The following NEDD4 variants were observed in gnomAD, a reference collection of about 807,000 sequenced individuals.
NEDD4 encodes the protein NEDD4 E3 ubiquitin protein ligase, also known as E3 ubiquitin-protein ligase NEDD4.
NEDD4 carries 99 observed loss-of-function variants against 144.9 expected under a neutral mutation model. The ratio of observed to expected loss-of-function variants is 0.68; its 90% CI spans 0.58 to 0.81. The LOEUF (loss-of-function observed/expected upper bound fraction) is 0.81. Among genes scored for constraint, NEDD4 ranks in the 30% least tolerant of loss-of-function variants. NEDD4 has a pLI of 0.00. For synonymous variants in NEDD4, 318 were observed against 350.6 expected, an observed-to-expected ratio of 0.91 and a Z score of 1.04; for missense variants, 985 against 1,065.9, an observed-to-expected ratio of 0.92 and a Z score of 1.06.
chr15:55,858,526 T>C (rs751270415), intron 11 of NEDD4, among the ~76,000 whole-genome samples: 1 of 152,144 alleles, frequency 6.6e-6, no homozygotes, highest in Non-Finnish European at 1.5e-5. Flanking sequence ...CAGGCTGGTC[T>C]TGAACTCCTG....
chr15:55,929,815 A>G (rs1453018845), intron 4 of NEDD4, among the ~76,000 whole-genome samples: 2 of 152,178 alleles, frequency 1.3e-5, no homozygotes, highest in African/African-American at 2.4e-5. Context: ...AAAAGAAAAG[A>G]GTTTTAAAAA....
chr15:55,842,396 G>A (rs2033556343), intron 18 of NEDD4, among the ~76,000 whole-genome samples: 1 of 152,074 alleles, frequency 6.6e-6, no homozygotes, highest in East Asian at 1.9e-4. Context: ...TACATCTGAA[G>A]AAGCTTTTGT....
chr15:55,920,990 A>T (rs1190070470), intron 5 of NEDD4, among the ~76,000 whole-genome samples: 1 of 152,218 alleles, frequency 6.6e-6, no homozygotes, highest in African/African-American at 2.4e-5. Context: ...AGAGCATCTA[A>T]CACAGTAGAT....
intron 4 of NEDD4, among the ~76,000 whole-genome samples, chr15:55,942,638 G>A (rs1034785650): frequency 2.1e-4 from 32 of 152,160 alleles, no homozygotes; most frequent in African/African-American, 7.5e-4. Context: ...CTGTGGAACT[G>A]TGAGTCAATT....
chr15:55,859,199 A>G (rs1285016929), intron 11 of NEDD4, among the ~76,000 whole-genome samples: 4 of 152,196 alleles, frequency 2.6e-5, no homozygotes, highest in African/African-American at 4.8e-5. Context: ...CTTCTACTCA[A>G]TCTCCCTTGA....
At chr15:55,983,057 G>C (rs1359583843) in intron 1 of NEDD4, among the ~76,000 whole-genome samples, 1 of 152,094 alleles carries the variant, frequency 6.6e-6, no homozygotes, top group African/African-American at 2.4e-5. Context: ...AGAAGGCAGA[G>C]GTTGCAGTGA....
intron 1 of NEDD4, among the ~76,000 whole-genome samples, chr15:55,980,898 A>G (rs1435999188): frequency 1.3e-5 from 2 of 152,194 alleles, no homozygotes; most frequent in Non-Finnish European, 2.9e-5. Flanking sequence ...AGAAAACTAA[A>G]CCAAACAAAA....
At chr15:55,991,373 T>C (rs533014624) in intron 1 of NEDD4, among the ~76,000 whole-genome samples, 7 of 152,282 alleles carry the variant, frequency 4.6e-5, no homozygotes, top group African/African-American at 7.2e-5. Flanking sequence ...TGGCAAATGA[T>C]AGTGGAGAGG....
At chr15:55,945,724 T>C (rs577071951) in intron 4 of NEDD4, among the ~76,000 whole-genome samples, 1 of 151,504 alleles carries the variant, frequency 6.6e-6, no homozygotes, top group African/African-American at 2.4e-5. Flanking sequence ...TCACCAACGT[T>C]GAAATGAAGG....
chr15:55,873,227 G>A (rs542797797), intron 6 of NEDD4, among the ~76,000 whole-genome samples: 1 of 152,158 alleles, frequency 6.6e-6, no homozygotes, highest in East Asian at 1.9e-4. Context: ...TCTTTCATCA[G>A]GAGAGCCCAT....
At position 55,830,597 on chromosome 15, in the gene NEDD4, G is replaced by T. The variant is rs376503322; in HGVS notation, c.2528-11C>A. On this transcript the variant is annotated splice_polypyrimidine_tract_variant and intron_variant, in intron 27 of 28. Coordinates refer to ENST00000435532, the MANE Select transcript of NEDD4 (RefSeq NM_006154.4). Reference sequence around the variant, plus strand: ...GTGGTCCATTTGAACCTATAAGGAAGAATTTATTTGGTTTCATTTACTCTC... The same window carrying T: ...GTGGTCCATTTGAACCTATAAGGAATAATTTATTTGGTTTCATTTACTCTC... 1.5e-4 allele frequency: 245 copies of T among 1,612,662 alleles called. No individual in the cohort carries two copies. Among genetic ancestry groups the T allele is most frequent in the Middle Eastern group, 3.3e-4 (2 of 6,076 alleles).
intron 5 of NEDD4, among the ~76,000 whole-genome samples, chr15:55,891,029 C>T (rs2035555242): frequency 6.6e-6 from 1 of 152,164 alleles, no homozygotes; most frequent in Non-Finnish European, 1.5e-5. Context: ...CATCCCATCT[C>T]CCTAAAAAAA....
chr15:55,833,042 A>T lies in NEDD4; in HGVS notation c.2493T>A (p.Ser831=). 1 of 1,613,410 alleles carries T rather than the reference A, an allele frequency of 6.2e-7. No homozygotes were observed. The highest frequency in any genetic ancestry group is 8.5e-7 in the Non-Finnish European group (1 of 1,179,546). ...IRLLQFVTGT[S]RVPMNGFAEL... ...CAGCAAATCCATTCATAGGCACCCG[A>T]GATGTGCCAGTGACAAACTGAAGTA... The change falls in exon 27 of 29, where the codon TCT becomes TCA. Residue 831 remains serine (S), a synonymous_variant. Coordinates refer to ENST00000435532, the MANE Select transcript of NEDD4 (RefSeq NM_006154.4).
chr15:55,978,765 G>T (rs1199412570), intron 1 of NEDD4, among the ~76,000 whole-genome samples: 2 of 152,000 alleles, frequency 1.3e-5, no homozygotes, highest in African/African-American at 4.8e-5. Context: ...AAGAGATGTG[G>T]CTTTTTTGAA....
intron 5 of NEDD4, among the ~76,000 whole-genome samples, chr15:55,914,267 T>G (rs1476002134): frequency 6.6e-6 from 1 of 151,718 alleles, no homozygotes; most frequent in Admixed American, 6.6e-5. Context: ...TAAGGTTTTT[T>G]CCCCCCAAAA....
At chr15:55,897,894 T>C (rs2035789017) in intron 5 of NEDD4, among the ~76,000 whole-genome samples, 2 of 152,204 alleles carry the variant, frequency 1.3e-5, no homozygotes, top group South Asian at 4.1e-4. Flanking sequence ...TCCTGCCCTC[T>C]AGTGGCCATG....
At position 55,916,780 on chromosome 15, in the gene NEDD4, G is replaced by A. The variant is rs774110123; in HGVS notation, c.291+7866C>T. 4.3e-6 allele frequency: 7 copies of A among 1,612,742 alleles called. No homozygotes were observed. The highest frequency in any genetic ancestry group is 4.0e-5 in the African/African-American group (3 of 74,870). ...TCATCTCCGGAGGTTTCTGACAAAGGGTAAGTATTGCTTCTTCTGGCTGCA... is the reference window on the plus strand; with the variant it reads ...TCATCTCCGGAGGTTTCTGACAAAGAGTAAGTATTGCTTCTTCTGGCTGCA... On this transcript the variant is annotated intron_variant, in intron 5 of 28. Transcript: ENST00000435532.
chr15:55,861,571 G>C (rs1404580796), intron 9 of NEDD4, among the ~76,000 whole-genome samples: 4 of 151,946 alleles, frequency 2.6e-5, no homozygotes, highest in African/African-American at 7.2e-5. Flanking sequence ...AAGGATAAAG[G>C]CTTGTGAGGA....
intron 2 of NEDD4, among the ~76,000 whole-genome samples, chr15:55,958,324 T>C (rs2037372053): frequency 1.3e-5 from 2 of 152,166 alleles, no homozygotes; most frequent in African/African-American, 2.4e-5. Flanking sequence ...TACAGTGAAT[T>C]GCATTAATTA....
Sources: allele counts gnomAD v4.1 joint callset (sites outside exome capture counted in the v4.1 genomes callset), GRCh38; gene constraint gnomAD v4.1.1; transcripts MANE v1.5; gene names NCBI Gene and HGNC (gene_info 2026-07-23, HGNC 2026-07-21).